Variants in LPGAT1 observed in about 807,000 individuals in gnomAD.
LPGAT1 encodes lysophosphatidylglycerol acyltransferase 1.
LPGAT1 carries 11 observed loss-of-function variants against 47.5 expected under a neutral mutation model. The ratio of observed to expected loss-of-function variants is 0.23; its 90% confidence interval spans 0.15 to 0.38. The LOEUF (loss-of-function observed/expected upper bound fraction) is 0.38, where lower values mean the gene tolerates loss of function less well. Among genes scored for constraint, LPGAT1 ranks in the 10% least tolerant of loss-of-function variants. LPGAT1 has a pLI of 1.00. For missense variants in LPGAT1, 293 were observed against 439.0 expected, an observed-to-expected ratio of 0.67 and a Z score of 2.97; for synonymous variants, 138 against 144.2, an observed-to-expected ratio of 0.96 and a Z score of 0.31.
At position 211,830,398 on chromosome 1, in the gene LPGAT1, G is replaced by A. The variant is rs1571779733; in HGVS notation, c.-28+175C>T. Reference sequence around the variant, plus strand: ...CACCCGGGCGGGTCCCGGGGAGGCGGGCGGATGCCCCGCGCCCCCGCCTCC... The same window carrying A: ...CACCCGGGCGGGTCCCGGGGAGGCGAGCGGATGCCCCGCGCCCCCGCCTCC... On this transcript the variant is annotated intron_variant, in intron 1 of 7. Transcript: ENST00000366997. This position sits in a 1 kb window ranked among gnomAD's most constrained non-coding sequence, Gnocchi z 5.9. 1.7e-6 allele frequency: 2 copies of A among 1,174,284 alleles called. No individual in the cohort carries two copies. Among genetic ancestry groups the A allele is most frequent in the Non-Finnish European group, 1.1e-6 (1 of 951,038 alleles). 72.7% of individuals were successfully genotyped at this position (1,174,284 alleles called of 1,614,324 possible).
rs983466327 is a variant in LPGAT1, at chr1:211,745,882, T to TA, written c.*4016dup. Reference sequence around the variant, plus strand: ...TTCATATTAACAGATATAAGGCTCATAGCACTGCAGAGCAAAAAAACATAA... The same window carrying TA: ...TTCATATTAACAGATATAAGGCTCATAAGCACTGCAGAGCAAAAAAACATAA... On this transcript the variant is annotated 3_prime_UTR_variant, in exon 8 of 8. Transcript: ENST00000366997. 2 of 152,654 alleles carry TA rather than the reference T, an allele frequency of 1.3e-5. No homozygotes were observed. The highest frequency in any genetic ancestry group is 2.9e-5 in the Non-Finnish European group (2 of 68,058). 9.5% of individuals were successfully genotyped at this position (152,654 alleles called of 1,614,324 possible). A position where few individuals can be genotyped will look rare whatever the true frequency, so the allele number is the denominator to read the frequency against.
At position 211,783,476 on chromosome 1, in the gene LPGAT1, C is replaced by A; in HGVS notation, c.480G>T (p.Leu160=). Residue 160 remains leucine, a synonymous_variant, in exon 5 of 8, where the codon CTG becomes CTT. Coordinates refer to ENST00000366997, the MANE Select transcript of LPGAT1 (RefSeq NM_014873.3). ...TTTCTAAGTGCTTCTTGAGAAGCAG[C>A]AGCTGTTGGTCACGATAAGATCTTC... is the stretch of plus-strand genomic sequence containing the variant. ...RQGRSYRDQQ[L]LLLKKHLENN... is the part of the protein sequence containing the mutation. The A allele has an allele frequency of 6.2e-7, 1 of 1,613,688 alleles. No homozygotes were observed. The highest frequency in any genetic ancestry group is 1.1e-5 in the South Asian group (1 of 91,048).
At chr1:211,771,951 T>A (rs1367722897) in intron 6 of LPGAT1, among the ~76,000 whole-genome samples, 1 of 152,188 alleles carries the variant, frequency 6.6e-6, no homozygotes, top group Admixed American at 6.5e-5. Context: ...TTTTATTTTT[T>A]AGAGAAACCC....
chr1:211,815,872 ATG>A (rs892372026), intron 2 of LPGAT1, among the ~76,000 whole-genome samples: 1 of 134,620 alleles, frequency 7.4e-6, no homozygotes, highest in African/African-American at 2.8e-5. Context: ...TCCGCCTCCC[ATG>A]TTCACGCCAT....
intron 3 of LPGAT1, among the ~76,000 whole-genome samples, chr1:211,789,572 T>C (rs547301042): frequency 6.6e-6 from 1 of 152,242 alleles, no homozygotes; most frequent in South Asian, 2.1e-4. Flanking sequence ...GCCAAGACAA[T>C]TCACAGACAC....
intron 6 of LPGAT1, among the ~76,000 whole-genome samples, chr1:211,769,395 T>G (rs1658069075): frequency 6.6e-6 from 1 of 152,106 alleles, no homozygotes. Context: ...TGGTAAAGGC[T>G]ATGAAGGAGT....
chr1:211,778,341 C>CAAAAAAAA (rs551509650), intron 6 of LPGAT1, among the ~76,000 whole-genome samples: 1 of 33,180 alleles, frequency 3.0e-5, no homozygotes, highest in Non-Finnish European at 5.6e-5. Context: ...GACTCTGTCT[C>CAAAAAAAA]AAAAAAAAAA....
chr1:211,767,703 GA>G (rs1657976463), intron 6 of LPGAT1, among the ~76,000 whole-genome samples: 1 of 151,992 alleles, frequency 6.6e-6, no homozygotes, highest in Admixed American at 6.6e-5. Context: ...AAAAGAAGAA[GA>G]AAATTATTAG....
chr1:211,751,823 T>C (rs1448874510), intron 6 of LPGAT1, among the ~76,000 whole-genome samples: 10 of 152,220 alleles, frequency 6.6e-5, no homozygotes, highest in Non-Finnish European at 1.5e-4. Flanking sequence ...AATATATTTG[T>C]ATGAAAAATG....
chr1:211,779,254 CAAAG>C (rs1476323412), intron 5 of LPGAT1, among the ~76,000 whole-genome samples: 1 of 152,128 alleles, frequency 6.6e-6, no homozygotes, highest in African/African-American at 2.4e-5. Flanking sequence ...AACCTCGAAA[CAAAG>C]AACACTATTA....
In LPGAT1 at chr1:211,749,849, G is replaced by C. The variant is rs1388056968; in HGVS notation, c.*50C>G. The C allele has an allele frequency of 6.3e-7, 1 of 1,576,916 alleles. No homozygotes were observed. Among genetic ancestry groups the C allele is most frequent in the Non-Finnish European group, 8.6e-7 (1 of 1,157,826 alleles). On this transcript the variant is annotated 3_prime_UTR_variant, in exon 8 of 8. Coordinates refer to ENST00000366997, the MANE Select transcript of LPGAT1 (RefSeq NM_014873.3). Reference sequence around the variant, plus strand: ...CACATGTAAAATAATGCACACTTATGAAAGAAAGTCTGAACTCCTACGGTG... The same window carrying C: ...CACATGTAAAATAATGCACACTTATCAAAGAAAGTCTGAACTCCTACGGTG...
intron 2 of LPGAT1, among the ~76,000 whole-genome samples, chr1:211,823,050 C>A (rs932389348): frequency 5.9e-5 from 9 of 152,160 alleles, no homozygotes; most frequent in African/African-American, 1.9e-4. Context: ...AGATTCCATG[C>A]CTCAAAAGCA....
At chr1:211,786,023 T>C (rs1447259964) in intron 4 of LPGAT1, among the ~76,000 whole-genome samples, 1 of 152,212 alleles carries the variant, frequency 6.6e-6, no homozygotes, top group Non-Finnish European at 1.5e-5. Context: ...TTCGGATCCC[T>C]GAGACTGCTA....
chr1:211,816,720 A>G (rs1431403662), intron 2 of LPGAT1, among the ~76,000 whole-genome samples: 1 of 152,210 alleles, frequency 6.6e-6, no homozygotes, highest in Non-Finnish European at 1.5e-5. Flanking sequence ...GCCAAACACC[A>G]GGCTTCACTT....
chr1:211,826,061 T>C (rs889331089), intron 2 of LPGAT1, among the ~76,000 whole-genome samples: 2 of 152,166 alleles, frequency 1.3e-5, no homozygotes, highest in Non-Finnish European at 2.9e-5. Context: ...TTAAAATGTG[T>C]AACTTAAAGT....
intron 6 of LPGAT1, among the ~76,000 whole-genome samples, chr1:211,752,083 T>C (rs1215098031): frequency 6.6e-6 from 1 of 152,236 alleles, no homozygotes; most frequent in Non-Finnish European, 1.5e-5. Context: ...TTTATATTAA[T>C]ACAATCATGT....
intron 2 of LPGAT1, among the ~76,000 whole-genome samples, chr1:211,812,900 A>G (rs1389294955): frequency 6.6e-6 from 1 of 152,180 alleles, no homozygotes; most frequent in African/African-American, 2.4e-5. Context: ...GGCCTCTAGA[A>G]CAGTGAGAGA....
At chr1:211,798,399 AGCCAGCTGGGCACAGTGCCTCATACCT>A (rs1659434841) in intron 2 of LPGAT1, among the ~76,000 whole-genome samples, 1 of 152,166 alleles carries the variant, frequency 6.6e-6, no homozygotes. Context: ...AAGATTAAAG[AGCCAGCTGGGCACAGTGCCTCATACCT>A]GTAATCCCAG....
chr1:211,824,636 A>G (rs1482155102), intron 2 of LPGAT1, among the ~76,000 whole-genome samples: 1 of 152,194 alleles, frequency 6.6e-6, no homozygotes, highest in African/African-American at 2.4e-5. Flanking sequence ...TGTTGACTGC[A>G]CTTATAGTAA....
Sources: gnomAD v4.1 joint callset for allele counts (sites outside exome capture counted in the v4.1 genomes callset) on GRCh38, gnomAD v4.1.1 for gene constraint, Gnocchi (gnomAD v3.1) non-coding constraint, MANE v1.5 for transcripts, NCBI Gene and HGNC (gene_info 2026-07-23, HGNC 2026-07-21) for gene names.